The following MYT1L variants were observed in gnomAD, a reference collection of about 807,000 sequenced individuals.
The protein encoded by MYT1L is myelin transcription factor 1-like protein.
In MYT1L, 12 loss-of-function variants were observed where a neutral mutation model predicts 126.7. That is an observed-to-expected ratio of 0.09 (90% confidence interval 0.06 to 0.15). The LOEUF (loss-of-function observed/expected upper bound fraction) is 0.15. Ranked by LOEUF, MYT1L falls within the 10% of genes least tolerant of loss-of-function variation. The pLI is 1.00. For missense variants in MYT1L, 979 were observed against 1,585.2 expected, an observed-to-expected ratio of 0.62 and a Z score of 6.49; for synonymous variants, 541 against 604.2, an observed-to-expected ratio of 0.90 and a Z score of 1.53.
At chr2:2,254,499 G>A (rs1339276490) in intron 2 of MYT1L, among the ~76,000 whole-genome samples, 1 of 152,206 alleles carries the variant, frequency 6.6e-6, no homozygotes, top group Non-Finnish European at 1.5e-5. Flanking sequence ...CTGCATTGCC[G>A]TGGTGGCCTC....
intron 8 of MYT1L, among the ~76,000 whole-genome samples, chr2:1,949,470 T>G (rs546830204): frequency 8.6e-4 from 131 of 152,270 alleles, no homozygotes; most frequent in African/African-American, 3.1e-3. Flanking sequence ...TCTTTTGTGG[T>G]TAACTCGGTG....
At chr2:2,158,088 T>C (rs961342005) in intron 3 of MYT1L, among the ~76,000 whole-genome samples, 12 of 152,092 alleles carry the variant, frequency 7.9e-5, no homozygotes, top group African/African-American at 2.7e-4. Flanking sequence ...CCATATGGGT[T>C]GAAGCCTCAT....
chr2:1,996,070 A>G (rs1412810285), intron 5 of MYT1L, among the ~76,000 whole-genome samples: 1 of 152,228 alleles, frequency 6.6e-6, no homozygotes, highest in Non-Finnish European at 1.5e-5. Flanking sequence ...GAAGGGCCGG[A>G]GAGGCTGAGG....
chr2:1,939,768 A>G, intron 9 of MYT1L, among the ~76,000 whole-genome samples: 1 of 152,208 alleles, frequency 6.6e-6, no homozygotes. Flanking sequence ...CTGATGGGGT[A>G]TAAGAGACTA....
chr2:2,134,132 G>A (rs2082733792), intron 3 of MYT1L, among the ~76,000 whole-genome samples: 1 of 152,108 alleles, frequency 6.6e-6, no homozygotes, highest in South Asian at 2.1e-4. Flanking sequence ...TTGCCCTCGA[G>A]TGCACCCAGC....
intron 3 of MYT1L, among the ~76,000 whole-genome samples, chr2:2,086,359 T>C (rs756084500): frequency 6.6e-6 from 1 of 152,256 alleles, no homozygotes; most frequent in Non-Finnish European, 1.5e-5. Context: ...ATTACATTAC[T>C]TTAAACATTA....
intron 4 of MYT1L, among the ~76,000 whole-genome samples, chr2:2,005,500 A>ATTCTTTCCTGCATGCG (rs2063182414): frequency 4.5e-5 from 6 of 133,666 alleles, no homozygotes; most frequent in Non-Finnish European, 9.5e-5. Flanking sequence ...TCCTGCAGGC[A>ATTCTTTCCTGCATGCG]TTCTTTCCTG....
intron 18 of MYT1L, among the ~76,000 whole-genome samples, chr2:1,883,013 G>A (rs765407225): frequency 1.3e-4 from 20 of 152,290 alleles, no homozygotes; most frequent in East Asian, 9.6e-4. Flanking sequence ...GGACTACTGC[G>A]CGTACGGGAC....
intron 4 of MYT1L, among the ~76,000 whole-genome samples, chr2:1,999,574 GA>G (rs1265736317): frequency 2.0e-5 from 3 of 151,998 alleles, no homozygotes; most frequent in Non-Finnish European, 4.4e-5. Flanking sequence ...GCATAAAAAA[GA>G]AATTCCATGG....
intron 3 of MYT1L, among the ~76,000 whole-genome samples, chr2:2,079,203 T>A (rs1344001951): frequency 6.6e-6 from 1 of 151,862 alleles, no homozygotes; most frequent in Non-Finnish European, 1.5e-5. Flanking sequence ...ACAACTAGAA[T>A]AAAAAATACA....
At chr2:2,281,799 A>G (rs2095450532) in intron 2 of MYT1L, among the ~76,000 whole-genome samples, 1 of 152,228 alleles carries the variant, frequency 6.6e-6, no homozygotes, top group Non-Finnish European at 1.5e-5. Flanking sequence ...ACAGGTGCCT[A>G]TTATAAAACT....
intron 2 of MYT1L, among the ~76,000 whole-genome samples, chr2:2,220,488 G>A (rs2148979053): frequency 6.6e-6 from 1 of 152,240 alleles, no homozygotes; most frequent in Non-Finnish European, 1.5e-5. Context: ...GCTGCCCTTA[G>A]AGACAACAGA....
Position 1,917,381 on chromosome 2 carries a change from A to G in MYT1L, c.1484-42T>C, listed in dbSNP as rs763511837. The G allele has an allele frequency of 7.0e-6, 11 of 1,561,196 alleles. No individual in the cohort carries two copies. Among genetic ancestry groups the G allele is most frequent in the Non-Finnish European group, 8.7e-6 (10 of 1,148,374 alleles). On this transcript the variant is annotated intron_variant, in intron 10 of 24. Transcript: ENST00000647738. This position sits in a 1 kb window ranked among gnomAD's most constrained non-coding sequence, Gnocchi z 5.9. ...GTGCCAAGAGAATAAATGTTTACCAATCAAAGACAAATGTGATTATTTCAC... is the reference window on the plus strand; with the variant it reads ...GTGCCAAGAGAATAAATGTTTACCAGTCAAAGACAAATGTGATTATTTCAC...
chr2:2,251,486 C>T (rs2094648895), intron 2 of MYT1L, among the ~76,000 whole-genome samples: 1 of 152,152 alleles, frequency 6.6e-6, no homozygotes, highest in Non-Finnish European at 1.5e-5. Flanking sequence ...GACTGTACCC[C>T]CCACCTCCTG....
intron 4 of MYT1L, among the ~76,000 whole-genome samples, chr2:2,034,019 G>C (rs1014038314): frequency 1.3e-5 from 2 of 152,150 alleles, no homozygotes; most frequent in African/African-American, 2.4e-5. Flanking sequence ...AACATGCCAG[G>C]GTGGGAGTTA....
chr2:2,254,164 A>G (rs1280394025), intron 2 of MYT1L, among the ~76,000 whole-genome samples: 1 of 152,200 alleles, frequency 6.6e-6, no homozygotes, highest in African/African-American at 2.4e-5. Context: ...TGCAACATAT[A>G]AGGTTTTGCA....
At chr2:2,110,766 G>A (rs536698715) in intron 3 of MYT1L, among the ~76,000 whole-genome samples, 18 of 152,284 alleles carry the variant, frequency 1.2e-4, no homozygotes, top group Non-Finnish European at 2.5e-4. Context: ...GGGGCCCCTG[G>A]AAGCAGGCAT....
chr2:1,843,298 G>T (rs1426195369), intron 19 of MYT1L, among the ~76,000 whole-genome samples: 5 of 152,208 alleles, frequency 3.3e-5, no homozygotes, highest in Non-Finnish European at 2.9e-5. Flanking sequence ...TAAACCATGC[G>T]AGTGTTCCTC....
At chr2:1,886,494 G>C in intron 18 of MYT1L, 45 bp downstream of exon 18, 3 of 1,377,948 alleles carry the variant, frequency 2.2e-6, no homozygotes, top group Non-Finnish European at 3.0e-6. Flanking sequence ...GTGAACTACT[G>C]AGTGCATGGA....
Sources: allele counts gnomAD v4.1 joint callset (sites outside exome capture counted in the v4.1 genomes callset), GRCh38; gene constraint gnomAD v4.1.1; non-coding constraint Gnocchi (gnomAD v3.1); transcripts MANE v1.5; gene names NCBI Gene and HGNC (gene_info 2026-07-23, HGNC 2026-07-21).